MET: variants seen among roughly 807,000 people sequenced by gnomAD.
MET encodes the protein hepatocyte growth factor receptor.
A neutral mutation model predicts 133.1 loss-of-function variants in MET; 48 were observed. The observed-to-expected ratio is 0.36, with a 90% CI of 0.29 to 0.46. MET has a LOEUF of 0.46. MET is among the 20% of genes least tolerant of loss of function. The pLI is 1.00. For missense variants in MET, 1,442 were observed against 1,695.9 expected, an observed-to-expected ratio of 0.85 and a Z score of 2.63; for synonymous variants, 628 against 616.5, an observed-to-expected ratio of 1.02 and a Z score of -0.28.
intron 2 of MET, chr7:116,724,881 T>C: frequency 2.3e-6 from 3 of 1,278,906 alleles, no homozygotes; most frequent in East Asian, 1.1e-4. Flanking sequence ...AGTTTCCTTC[T>C]AGGCTTCTTG....
rs369713005 is a variant in MET, at chr7:116,755,558, A to T, written c.1862+43A>T. ...CTTTGCTGGGGTGTGCTTGGAAAAT[A>T]GGTTTTGTTTTTGAATGAATATTTC... is the stretch of plus-strand genomic sequence containing the variant. On this transcript the variant is annotated intron_variant, in intron 6 of 20. Coordinates refer to ENST00000397752, the MANE Select transcript of MET (RefSeq NM_000245.4). The T allele has an allele frequency of 1.9e-6, 3 of 1,612,044 alleles. No homozygotes were observed. In the African/African-American group the frequency reaches 4.0e-5, roughly 22 times the overall value.
Position 116,796,117 on chromosome 7 carries a change from C to A in MET, c.4166C>A (p.Thr1389Lys). 1 of 1,613,586 alleles carries A rather than the reference C, an allele frequency of 6.2e-7. No homozygotes were observed. The highest frequency in any genetic ancestry group is 1.1e-5 in the South Asian group (1 of 91,064). ...ACACGACCAGCCTCCTTCTGGGAGA[C>A]ATCATAGTGCTAGTACTATGTCAAA... ...VDTRPASFWE[T>K]S Residue 1389 changes from threonine to lysine, a missense_variant, in exon 21 of 21, where the codon ACA (threonine) becomes AAA (lysine). Physicochemically the swap from Thr to Lys is moderately conservative, Grantham distance 78. Coordinates refer to ENST00000397752, the MANE Select transcript of MET (RefSeq NM_000245.4).
intron 2 of MET, among the ~76,000 whole-genome samples, chr7:116,711,464 T>C (rs1791990064): frequency 6.6e-6 from 1 of 152,228 alleles, no homozygotes; most frequent in Admixed American, 6.5e-5. Context: ...TTATCGTATC[T>C]CAGACTTCTT....
At chr7:116,745,715 C>T (rs2116862775) in intron 5 of MET, among the ~76,000 whole-genome samples, 1 of 152,320 alleles carries the variant, frequency 6.6e-6, no homozygotes, top group Non-Finnish European at 1.5e-5. Context: ...GCTGGGAAAA[C>T]TGGCTAGCCA....
chr7:116,782,442 G>A (rs1170672686), intron 18 of MET, among the ~76,000 whole-genome samples: 1 of 152,234 alleles, frequency 6.6e-6, no homozygotes, highest in Non-Finnish European at 1.5e-5. Context: ...GAAAAGGAGA[G>A]GGCTGGGAAC....
intron 6 of MET, 100 bp from the exon 7 acceptor site, chr7:116,757,337 G>C (rs1157809611): frequency 9.7e-6 from 9 of 930,202 alleles, no homozygotes. Flanking sequence ...ATTCAAAGCA[G>C]TCAGCTCACC....
chr7:116,726,278 C>G (rs891016495), intron 2 of MET, among the ~76,000 whole-genome samples: 4 of 147,730 alleles, frequency 2.7e-5, no homozygotes, highest in Non-Finnish European at 4.5e-5. Context: ...TATTCCTCCC[C>G]CTCCTGGAAA....
intron 2 of MET, among the ~76,000 whole-genome samples, chr7:116,711,701 T>C (rs898175177): frequency 6.6e-6 from 1 of 152,032 alleles, no homozygotes; most frequent in Non-Finnish European, 1.5e-5. Context: ...CCTCCTCAAC[T>C]CCACCCAATC....
chr7:116,738,256 C>T (rs2116817675), intron 3 of MET, among the ~76,000 whole-genome samples: 1 of 152,122 alleles, frequency 6.6e-6, no homozygotes, highest in East Asian at 1.9e-4. Context: ...GGGTATTGGG[C>T]AGGAGTATAG....
chr7:116,700,329 T>C, intron 2 of MET, 45 bp downstream of exon 2: 1 of 1,574,088 alleles, frequency 6.4e-7, no homozygotes, highest in South Asian at 1.2e-5. Context: ...AGGTATAAAT[T>C]AGAAATAAGT....
rs2116780504 is a variant in MET at position 116,731,717 on chromosome 7, G to A, written c.1250G>A (p.Arg417Gln). 3 of 1,613,926 alleles carry A rather than the reference G, an allele frequency of 1.9e-6. No individual in the cohort carries two copies. The highest frequency in any genetic ancestry group is 4.5e-5 in the East Asian group (2 of 44,888). Residue 417 changes from arginine to glutamine, a missense_variant, in exon 3 of 21, where the codon CGA becomes CAA. By Grantham distance (43) the Arg-to-Gln change is conservative. This residue lies in a region of MET where 762 missense variants were observed against 792.4 expected (regional missense o/e 0.96). Transcript: ENST00000397752. Reference sequence around the variant, plus strand: ...TGTGAAGCGCGCCGTGATGAATATCGAACAGAGTTTACCACAGCTTTGCAG... The same window carrying A: ...TGTGAAGCGCGCCGTGATGAATATCAAACAGAGTTTACCACAGCTTTGCAG... The part of the protein sequence containing the change: ...SGCEARRDEY[R>Q]TEFTTALQRV...
intron 5 of MET, among the ~76,000 whole-genome samples, chr7:116,752,091 T>G (rs945761764): frequency 6.6e-6 from 1 of 151,640 alleles, no homozygotes; most frequent in Non-Finnish European, 1.5e-5. Flanking sequence ...GAAAGAAAAT[T>G]CAACCCCAGT....
At chr7:116,752,311 G>A (rs1793954675) in intron 5 of MET, among the ~76,000 whole-genome samples, 1 of 152,078 alleles carries the variant, frequency 6.6e-6, no homozygotes, top group Non-Finnish European at 1.5e-5. Flanking sequence ...TTGAAAGCAT[G>A]ATCATTTAAA....
rs1267419620 is a variant in MET, at chr7:116,774,980, C to A, written c.3128C>A (p.Ser1043Tyr). 4.3e-6 allele frequency: 7 copies of A among 1,614,128 alleles called. No individual in the cohort carries two copies. Among genetic ancestry groups the A allele is most frequent in the Non-Finnish European group, 5.9e-6 (7 of 1,179,978 alleles). Reference sequence around the variant, plus strand: ...CTAACTAGTGGGGACTCTGATATATCCAGTCCATTACTGCAAAATACTGTC... The same window carrying A: ...CTAACTAGTGGGGACTCTGATATATACAGTCCATTACTGCAAAATACTGTC... ...PILTSGDSDI[S>Y]SPLLQNTVHI... is the part of the protein sequence containing the mutation. Residue 1043 changes from serine to tyrosine, a missense_variant, in exon 15 of 21, where the codon TCC (serine) becomes TAC (tyrosine). Ser to Tyr is a moderately radical substitution (Grantham distance 144). This residue lies in a region of MET where 514 missense variants were observed against 659.6 expected (regional missense o/e 0.78). Coordinates refer to ENST00000397752, the MANE Select transcript of MET (RefSeq NM_000245.4).
At chr7:116,744,918 T>G (rs1005704149) in intron 5 of MET, among the ~76,000 whole-genome samples, 9 of 152,258 alleles carry the variant, frequency 5.9e-5, no homozygotes, top group African/African-American at 1.7e-4. Flanking sequence ...AGTGTTGGAA[T>G]TTCTGGCCAG....
intron 3 of MET, among the ~76,000 whole-genome samples, chr7:116,733,774 T>C (rs1793112621): frequency 6.6e-6 from 1 of 152,212 alleles, no homozygotes; most frequent in Non-Finnish European, 1.5e-5. Flanking sequence ...ACTACCTAAC[T>C]TTGCTTTACT....
chr7:116,778,739 A>G (rs1197612327), intron 16 of MET, 37 bp from the exon 17 acceptor site: 5 of 1,606,694 alleles, frequency 3.1e-6, no homozygotes, highest in Non-Finnish European at 4.3e-6. Flanking sequence ...TCACTGTTCC[A>G]TAATGAAGTT....
intron 19 of MET, among the ~76,000 whole-genome samples, chr7:116,794,760 T>A (rs1398709370): frequency 6.6e-6 from 1 of 152,248 alleles, no homozygotes; most frequent in Non-Finnish European, 1.5e-5. Context: ...CCCTGGGTCC[T>A]GTCCACAGGG....
At chr7:116,774,313 A>G (rs1794923445) in intron 14 of MET, among the ~76,000 whole-genome samples, 1 of 152,220 alleles carries the variant, frequency 6.6e-6, no homozygotes, top group Non-Finnish European at 1.5e-5. Flanking sequence ...TCTCTAAACA[A>G]CAGTAACACT....
Sources: gnomAD v4.1 joint callset for allele counts (sites outside exome capture counted in the v4.1 genomes callset) on GRCh38, gnomAD v4.1.1 for gene constraint, gnomAD v4.1.1 regional missense constraint, MANE v1.5 for transcripts, NCBI Gene and HGNC (gene_info 2026-07-23, HGNC 2026-07-21) for gene names.